Variants in ZNF804B observed in about 807,000 individuals in gnomAD.
The protein encoded by ZNF804B is zinc finger 804B.
Under a neutral mutation model 101.4 loss-of-function variants are expected in ZNF804B, and 80 were observed. That is an observed-to-expected ratio of 0.79 (90% confidence interval 0.66 to 0.95). The LOEUF (loss-of-function observed/expected upper bound fraction) is 0.95. ZNF804B is among the 40% of genes least tolerant of loss of function. ZNF804B has a pLI of 0.00. For missense variants in ZNF804B, 1,673 were observed against 1,561.9 expected, an observed-to-expected ratio of 1.07 and a Z score of -1.20; for synonymous variants, 622 against 558.8, an observed-to-expected ratio of 1.11 and a Z score of -1.59.
At chr7:88,926,003 G>T (rs892158671) in intron 1 of ZNF804B, among the ~76,000 whole-genome samples, 1 of 152,102 alleles carries the variant, frequency 6.6e-6, no homozygotes, top group South Asian at 2.1e-4. Flanking sequence ...CCCATAGACT[G>T]GAGTCAGGTA....
At position 89,189,878 on chromosome 7, in the gene ZNF804B, A is replaced by G. The variant is rs555881884; in HGVS notation, c.109-28277A>G. ...TTTCAACTATCAAGCCCTACTATTT[A>G]ATGAAATACATTTCATAAATTTATA... On this transcript the variant is annotated intron_variant, in intron 1 of 3. Transcript: ENST00000333190. Among the ~76,000 whole-genome samples, 52 of 152,252 alleles carry G rather than the reference A, an allele frequency of 3.4e-4. 1 individual carries two copies. Among genetic ancestry groups the G allele is most frequent in the Admixed American group, 3.3e-3 (50 of 15,276 alleles).
Position 89,277,693 on chromosome 7 carries a change from G to A in ZNF804B, c.250-49651G>A, listed in dbSNP as rs1472366961. 2.0e-5 allele frequency among the ~76,000 whole-genome samples: 3 copies of A among 151,336 alleles called. 1 individual carries two copies. The highest frequency in any genetic ancestry group is 7.3e-5 in the African/African-American group (3 of 41,204). ...AGGACATGAACTCATCATTTTTTATGGCTGCATAGTATTCCATGGTGTATA... is the reference window on the plus strand; with the variant it reads ...AGGACATGAACTCATCATTTTTTATAGCTGCATAGTATTCCATGGTGTATA... On this transcript the variant is annotated intron_variant, in intron 2 of 3. Coordinates refer to ENST00000333190, the MANE Select transcript of ZNF804B (RefSeq NM_181646.5).
rs530916449 is a variant in ZNF804B at position 89,325,120 on chromosome 7, T to C, written c.250-2224T>C. ...TAAACTGTTTCAGATGATTTTTTTT[T>C]CCTAAACTGGAACAGTTTCCTCACA... is the stretch of plus-strand genomic sequence containing the variant. On this transcript the variant is annotated intron_variant, in intron 2 of 3. Coordinates refer to ENST00000333190, the MANE Select transcript of ZNF804B (RefSeq NM_181646.5). Among the ~76,000 whole-genome samples, 46 of 152,138 alleles carry C rather than the reference T, an allele frequency of 3.0e-4. 1 individual carries two copies. The highest frequency in any genetic ancestry group is 3.4e-3 in the Middle Eastern group (1 of 294).
intron 1 of ZNF804B, among the ~76,000 whole-genome samples, chr7:89,209,977 C>T (rs1788777717): frequency 6.6e-6 from 1 of 151,780 alleles, no homozygotes; most frequent in South Asian, 2.1e-4. Flanking sequence ...GGTGAAACCC[C>T]ATCTCTACTA....
chr7:89,322,979 C>A (rs1188608934), intron 2 of ZNF804B, among the ~76,000 whole-genome samples: 1 of 152,174 alleles, frequency 6.6e-6, no homozygotes, highest in Non-Finnish European at 1.5e-5. Flanking sequence ...TTCCCTCAAA[C>A]CCCAATATAA....
At chr7:89,087,276 A>G (rs2116320673) in intron 1 of ZNF804B, among the ~76,000 whole-genome samples, 1 of 151,980 alleles carries the variant, frequency 6.6e-6, no homozygotes, top group South Asian at 2.1e-4. Context: ...CCCTTGTTTA[A>G]ATTGTAGCTG....
At chr7:89,244,894 G>T (rs975366947) in intron 2 of ZNF804B, among the ~76,000 whole-genome samples, 3 of 152,138 alleles carry the variant, frequency 2.0e-5, no homozygotes, top group Non-Finnish European at 4.4e-5. Context: ...CAATCTTTAT[G>T]ATGTGAACAA....
chr7:89,059,656 A>T (rs1403565262), intron 1 of ZNF804B, among the ~76,000 whole-genome samples: 1 of 152,114 alleles, frequency 6.6e-6, no homozygotes, highest in Non-Finnish European at 1.5e-5. Context: ...TCACTTTGTT[A>T]TTGTTTTTAT....
chr7:88,968,065 C>CA (rs1012877887), intron 1 of ZNF804B, among the ~76,000 whole-genome samples: 4 of 151,004 alleles, frequency 2.6e-5, no homozygotes, highest in East Asian at 2.0e-4. Context: ...TCTAACCTTT[C>CA]AAAAAAAATT....
intron 1 of ZNF804B, among the ~76,000 whole-genome samples, chr7:88,999,970 A>T (rs532631256): frequency 5.4e-4 from 82 of 152,064 alleles, no homozygotes; most frequent in African/African-American, 2.0e-3. Flanking sequence ...TAAGTGAGAG[A>T]TCCTTTGTTT....
chr7:89,154,182 G>C (rs1790920086), intron 1 of ZNF804B, among the ~76,000 whole-genome samples: 1 of 152,108 alleles, frequency 6.6e-6, no homozygotes, highest in Non-Finnish European at 1.5e-5. Context: ...ACTACAGTGA[G>C]ATATCATCTC....
chr7:89,297,494 G>C (rs1790401856), intron 2 of ZNF804B, among the ~76,000 whole-genome samples: 1 of 152,044 alleles, frequency 6.6e-6, no homozygotes, highest in Non-Finnish European at 1.5e-5. Flanking sequence ...AGAAGCCTAT[G>C]TTGCTATATC....
intron 1 of ZNF804B, among the ~76,000 whole-genome samples, chr7:89,057,462 A>G (rs1206662311): frequency 6.6e-6 from 1 of 151,824 alleles, no homozygotes; most frequent in African/African-American, 2.4e-5. Context: ...TGAGGGCTAC[A>G]GTTCCTTGAA....
At chr7:88,795,276 A>T (rs1013674653) in intron 1 of ZNF804B, among the ~76,000 whole-genome samples, 1 of 152,146 alleles carries the variant, frequency 6.6e-6, no homozygotes, top group African/African-American at 2.4e-5. Flanking sequence ...TGTCCTTTAT[A>T]AGCCAAATTT....
intron 1 of ZNF804B, among the ~76,000 whole-genome samples, chr7:89,015,555 CA>C (rs968898927): frequency 2.7e-5 from 4 of 150,604 alleles, no homozygotes; most frequent in Non-Finnish European, 4.4e-5. Context: ...TCTCATTGTT[CA>C]ATTCCCACCT....
chr7:88,873,221 T>C (rs1425138325), intron 1 of ZNF804B, among the ~76,000 whole-genome samples: 1 of 152,248 alleles, frequency 6.6e-6, no homozygotes, highest in Non-Finnish European at 1.5e-5. Flanking sequence ...TGATGGCCAT[T>C]GATGGTGAGC....
intron 1 of ZNF804B, among the ~76,000 whole-genome samples, chr7:88,843,486 C>G (rs988075444): frequency 6.6e-6 from 1 of 151,974 alleles, no homozygotes; most frequent in African/African-American, 2.4e-5. Context: ...GCCTGTAATC[C>G]CAGCACTTGG....
chr7:88,953,835 A>G (rs1793260761), intron 1 of ZNF804B, among the ~76,000 whole-genome samples: 1 of 151,768 alleles, frequency 6.6e-6, no homozygotes, highest in African/African-American at 2.4e-5. Flanking sequence ...TTAATACTAC[A>G]CATAATTTTT....
In ZNF804B at chr7:89,015,639, A is replaced by G. The variant is rs1228737643; in HGVS notation, c.109-202516A>G. Among the ~76,000 whole-genome samples the G allele has an allele frequency of 2.6e-5, 4 of 152,010 alleles. No individual in the cohort carries two copies. In the East Asian group the frequency reaches 7.7e-4, roughly 29 times the overall value. On this transcript the variant is annotated intron_variant, in intron 1 of 3. Coordinates refer to ENST00000333190, the MANE Select transcript of ZNF804B (RefSeq NM_181646.5). ...ACTGAGAATGATGATTTCCAATTTC[A>G]TCCATGTCCCTACAAAGGACATGAA... is the stretch of plus-strand genomic sequence containing the variant.
Sources: allele counts gnomAD v4.1 joint callset (sites outside exome capture counted in the v4.1 genomes callset), GRCh38; gene constraint gnomAD v4.1.1; transcripts MANE v1.5; gene names NCBI Gene and HGNC (gene_info 2026-07-23, HGNC 2026-07-21).